Variants in PDZRN4 observed in about 807,000 individuals in gnomAD.
PDZRN4 encodes PDZ domain containing ring finger 4.
Under a neutral mutation model 99.0 loss-of-function variants are expected in PDZRN4, and 70 were observed. The observed-to-expected ratio is 0.71, with a 90% CI of 0.58 to 0.86. The LOEUF is 0.86. PDZRN4 is among the 40% of genes least tolerant of loss of function. The pLI is 0.00. For missense variants in PDZRN4, 1,474 were observed against 1,331.2 expected, an observed-to-expected ratio of 1.11 and a Z score of -1.67; for synonymous variants, 551 against 501.6, an observed-to-expected ratio of 1.10 and a Z score of -1.32.
At chr12:41,352,523 C>T (rs1013882562) in intron 3 of PDZRN4, among the ~76,000 whole-genome samples, 17 of 152,060 alleles carry the variant, frequency 1.1e-4, no homozygotes, top group African/African-American at 3.6e-4. Flanking sequence ...CTATGTATTC[C>T]AGAACTTCTG....
At chr12:41,379,342 A>G (rs1012700396) in intron 3 of PDZRN4, among the ~76,000 whole-genome samples, 6 of 149,108 alleles carry the variant, frequency 4.0e-5, no homozygotes, top group African/African-American at 1.5e-4. Context: ...GACCTTTTCA[A>G]TTGTTTTTCT....
chr12:41,239,808 A>G (rs922634817), intron 3 of PDZRN4, among the ~76,000 whole-genome samples: 14 of 152,226 alleles, frequency 9.2e-5, no homozygotes, highest in Middle Eastern at 3.2e-3. Flanking sequence ...AGAGTTGTGT[A>G]ATGTAGGATT....
At chr12:41,260,411 A>AT (rs890445947) in intron 3 of PDZRN4, among the ~76,000 whole-genome samples, 49 of 152,238 alleles carry the variant, frequency 3.2e-4, no homozygotes, top group African/African-American at 1.1e-3. Context: ...ATTGAGTGGA[A>AT]TTGTGAAGCT....
chr12:41,379,974 A>G (rs900025948), intron 3 of PDZRN4, among the ~76,000 whole-genome samples: 3 of 152,014 alleles, frequency 2.0e-5, no homozygotes, highest in Non-Finnish European at 4.4e-5. Context: ...ATTGCTATTT[A>G]TGTCTCCTTT....
chr12:41,393,813 G>A (rs1188954494), intron 3 of PDZRN4, among the ~76,000 whole-genome samples: 1 of 152,170 alleles, frequency 6.6e-6, no homozygotes, highest in Non-Finnish European at 1.5e-5. Context: ...TTAGCAGGAG[G>A]CACATGCCTG....
At chr12:41,553,121 C>T (rs991151874) in intron 6 of PDZRN4, among the ~76,000 whole-genome samples, 1 of 152,174 alleles carries the variant, frequency 6.6e-6, no homozygotes, top group South Asian at 2.1e-4. Flanking sequence ...TTAACAGTAG[C>T]ACTGGCTAAT....
intron 3 of PDZRN4, among the ~76,000 whole-genome samples, chr12:41,219,614 T>G (rs1296566732): frequency 2.0e-5 from 3 of 152,080 alleles, no homozygotes; most frequent in African/African-American, 4.8e-5. Context: ...GTATTAAAGC[T>G]GCCTCCCGAG....
chr12:41,455,424 G>A (rs1389039258), intron 3 of PDZRN4, among the ~76,000 whole-genome samples: 1 of 152,066 alleles, frequency 6.6e-6, no homozygotes, highest in African/African-American at 2.4e-5. Context: ...TATTAGCAGT[G>A]GGAATAAAGA....
intron 3 of PDZRN4, among the ~76,000 whole-genome samples, chr12:41,269,008 C>T (rs927290917): frequency 1.3e-5 from 2 of 152,178 alleles, no homozygotes; most frequent in Non-Finnish European, 2.9e-5. Context: ...TTGTCTGCTT[C>T]ACCTAGCTCC....
chr12:41,217,808 C>T (rs1307484963), intron 3 of PDZRN4, among the ~76,000 whole-genome samples: 1 of 152,018 alleles, frequency 6.6e-6, no homozygotes, highest in East Asian at 1.9e-4. Context: ...TACATTTTGG[C>T]CCTGTTTCCC....
chr12:41,379,712 A>G (rs920256979), intron 3 of PDZRN4, among the ~76,000 whole-genome samples: 5 of 151,682 alleles, frequency 3.3e-5, no homozygotes, highest in Admixed American at 6.6e-5. Context: ...CCCAAAAAGT[A>G]CTTGATTTTT....
At chr12:41,280,473 C>G (rs1217729624) in intron 3 of PDZRN4, among the ~76,000 whole-genome samples, 1 of 152,204 alleles carries the variant, frequency 6.6e-6, no homozygotes, top group Non-Finnish European at 1.5e-5. Context: ...GGTTGAAATT[C>G]TGGCTGCCAG....
chr12:41,395,597 T>G (rs945212600), intron 3 of PDZRN4, among the ~76,000 whole-genome samples: 3 of 152,222 alleles, frequency 2.0e-5, no homozygotes, highest in African/African-American at 7.2e-5. Context: ...AAGCTAATAA[T>G]GTGTATACAT....
intron 3 of PDZRN4, among the ~76,000 whole-genome samples, chr12:41,395,564 G>A (rs996203109): frequency 9.2e-5 from 14 of 152,020 alleles, no homozygotes; most frequent in African/African-American, 3.4e-4. Context: ...TTCATTTTGT[G>A]TTATCTTTGC....
intron 3 of PDZRN4, among the ~76,000 whole-genome samples, chr12:41,383,964 T>C (rs1271390652): frequency 2.9e-5 from 4 of 139,696 alleles, no homozygotes; most frequent in Admixed American, 7.3e-5. Context: ...AGTTTCACTA[T>C]GGAGATTTTT....
chr12:41,292,232 C>G (rs1034277051), intron 3 of PDZRN4, among the ~76,000 whole-genome samples: 1 of 152,168 alleles, frequency 6.6e-6, no homozygotes, highest in Non-Finnish European at 1.5e-5. Context: ...TTTAAGCAAA[C>G]AGCTAGAGAG....
chr12:41,230,061 C>T (rs1951018252), intron 3 of PDZRN4, among the ~76,000 whole-genome samples: 1 of 151,914 alleles, frequency 6.6e-6, no homozygotes, highest in Admixed American at 6.6e-5. Flanking sequence ...CCATCTGTGT[C>T]TCTTCTGGAG....
At chr12:41,491,617 T>G (rs1014197108) in intron 3 of PDZRN4, among the ~76,000 whole-genome samples, 3 of 152,152 alleles carry the variant, frequency 2.0e-5, no homozygotes, top group African/African-American at 7.2e-5. Flanking sequence ...CATAGATAAC[T>G]TTAGTGGATC....
intron 5 of PDZRN4, among the ~76,000 whole-genome samples, chr12:41,514,621 T>C (rs759829615): frequency 1.5e-4 from 23 of 152,194 alleles, no homozygotes; most frequent in Middle Eastern, 3.4e-3. Context: ...TGTTTCACAG[T>C]GGGTGCTCAA....
Sources: allele counts gnomAD v4.1 joint callset (sites outside exome capture counted in the v4.1 genomes callset), GRCh38; gene constraint gnomAD v4.1.1; transcripts MANE v1.5; gene names NCBI Gene and HGNC (gene_info 2026-07-23, HGNC 2026-07-21).